The following SPIRE1 variants were observed in gnomAD, a reference collection of about 807,000 sequenced individuals.
SPIRE1 encodes spire type actin nucleation factor 1, also known as protein spire homolog 1.
In SPIRE1, 40 loss-of-function variants were observed where a neutral mutation model predicts 94.1. The ratio of observed to expected loss-of-function variants is 0.43; its 90% CI spans 0.33 to 0.55. The LOEUF (loss-of-function observed/expected upper bound fraction) is 0.55, where lower values mean the gene tolerates loss of function less well. Ranked by LOEUF, SPIRE1 falls within the 20% of genes least tolerant of loss-of-function variation. SPIRE1 has a pLI of 0.06. For missense variants in SPIRE1, 838 were observed against 975.2 expected (o/e 0.86, Z 1.87); for synonymous variants, 376 against 371.7 (o/e 1.01, Z -0.13).
rs1375448393 is a variant in SPIRE1 at position 12,657,763 on chromosome 18, C to T, written c.104G>A (p.Gly35Asp). The change falls in exon 1 of 17, where the codon GGC (glycine) becomes GAC (aspartate). Residue 35 changes from glycine (G) to aspartate (D), a missense_variant. Gly to Asp is a moderately conservative substitution (Grantham distance 94). Transcript: ENST00000409402. ...CTCCAGGCTCAGCGCGTCCCGGGAG[C>T]CCCCGGCCGCGCCGCCGGCTGCCCC... Reference protein sequence around the residue: ...EPGAAGGAAGGSRDALSLEEI... With the variant: ...EPGAAGGAAGDSRDALSLEEI... 3.0e-6 allele frequency: 4 copies of T among 1,338,456 alleles called. No individual in the cohort carries two copies. The East Asian group carries it at 1.0e-4, about 34-fold the overall frequency. 82.9% of individuals were successfully genotyped at this position (1,338,456 alleles called of 1,614,324 possible).
intron 1 of SPIRE1, among the ~76,000 whole-genome samples, chr18:12,636,630 G>C (rs1236117131): frequency 6.6e-6 from 1 of 151,896 alleles, no homozygotes; most frequent in Non-Finnish European, 1.5e-5. Context: ...GGGGCCTTAG[G>C]TTCTATGAAT....
chr18:12,637,276 G>A lies in SPIRE1; in HGVS notation c.338-2180C>T, dbSNP rs769499870. Among the ~76,000 whole-genome samples the A allele has an allele frequency of 1.5e-3, 226 of 151,146 alleles. 2 individuals carry two copies. Among genetic ancestry groups the A allele is most frequent in the Non-Finnish European group, 2.4e-3 (161 of 67,834 alleles). ...CGGGAGGCTGAGGCAGGAGAATGGC[G>A]TGAACCCGGGAGGCAGAGCTTGCAG... On this transcript the variant is annotated intron_variant, in intron 1 of 16. Transcript: ENST00000409402.
chr18:12,446,561 T>C lies in SPIRE1; in HGVS notation c.*3077A>G, dbSNP rs993045347. The stretch of plus-strand genomic sequence containing the variant: ...TCTCTAAATTTTAAAATAGAAGACT[T>C]TAATGGAAAACATTTAGTACCATCA... On this transcript the variant is annotated 3_prime_UTR_variant, in exon 17 of 17. Coordinates refer to ENST00000409402, the MANE Select transcript of SPIRE1 (RefSeq NM_001128626.2). The C allele has an allele frequency of 5.3e-5, 8 of 152,158 alleles. No individual in the cohort carries two copies. The highest frequency in any genetic ancestry group is 1.0e-4 in the Non-Finnish European group (7 of 68,028). 9.4% of individuals were successfully genotyped at this position (152,158 alleles called of 1,614,324 possible). A position where few individuals can be genotyped will look rare whatever the true frequency, so the allele number is the denominator to read the frequency against.
chr18:12,461,542 T>TGTGC, intron 12 of SPIRE1, among the ~76,000 whole-genome samples: 1 of 149,494 alleles, frequency 6.7e-6, no homozygotes, highest in African/African-American at 2.5e-5. Flanking sequence ...TACGTACATA[T>TGTGC]GTATATACAT....
At chr18:12,533,775 T>G (rs1029881625) in intron 4 of SPIRE1, among the ~76,000 whole-genome samples, 3 of 152,154 alleles carry the variant, frequency 2.0e-5, no homozygotes, top group African/African-American at 7.2e-5. Flanking sequence ...GCAATCTCAG[T>G]TTTAACAAGC....
Position 12,447,136 on chromosome 18 carries a change from T to C in SPIRE1, c.*2502A>G, listed in dbSNP as rs1281876174. On this transcript the variant is annotated 3_prime_UTR_variant, in exon 17 of 17. Coordinates refer to ENST00000409402, the MANE Select transcript of SPIRE1 (RefSeq NM_001128626.2). ...CCCAATAGTGTGACTTCATGACGTA[T>C]GGGACAAAAGGAACCGGTGCTCAGG... 2 of 152,118 alleles carry C rather than the reference T, an allele frequency of 1.3e-5. No homozygotes were observed. Among genetic ancestry groups the C allele is most frequent in the African/African-American group, 4.8e-5 (2 of 41,412 alleles). The allele number at this position is 152,118 out of a possible 1,614,324, so 9.4% of individuals were successfully genotyped here. A position where few individuals can be genotyped will look rare whatever the true frequency, so the allele number is the denominator to read the frequency against.
intron 8 of SPIRE1, among the ~76,000 whole-genome samples, chr18:12,489,893 G>A (rs936702321): frequency 1.6e-4 from 25 of 152,254 alleles, no homozygotes; most frequent in Middle Eastern, 3.4e-3. Context: ...TAAACATTCA[G>A]GCATTTTTGC....
rs371935900 is a variant in SPIRE1 at position 12,505,488 on chromosome 18, G to A, written c.972+989C>T. ...GATCACTGGAACCTGGGAAGTCGAG[G>A]CTACAGTAGAGCTGTGATCATGCCA... On this transcript the variant is annotated intron_variant, in intron 6 of 16. Coordinates refer to ENST00000409402, the MANE Select transcript of SPIRE1 (RefSeq NM_001128626.2). Among the ~76,000 whole-genome samples the A allele has an allele frequency of 4.5e-4, 68 of 151,480 alleles. 2 individuals carry two copies. The South Asian group carries it at 0.014, about 32-fold the overall frequency.
At chr18:12,541,921 T>C (rs1382836928) in intron 3 of SPIRE1, among the ~76,000 whole-genome samples, 1 of 151,398 alleles carries the variant, frequency 6.6e-6, no homozygotes, top group African/African-American at 2.4e-5. Context: ...CCCAATACAA[T>C]AATATATATT....
At chr18:12,600,562 T>C (rs1487930474) in intron 2 of SPIRE1, among the ~76,000 whole-genome samples, 2 of 151,896 alleles carry the variant, frequency 1.3e-5, no homozygotes, top group East Asian at 1.9e-4. Context: ...ACTATGATGG[T>C]TGAAAAAGAA....
At chr18:12,483,817 T>C (rs1017354664) in intron 9 of SPIRE1, among the ~76,000 whole-genome samples, 1 of 152,190 alleles carries the variant, frequency 6.6e-6, no homozygotes, top group African/African-American at 2.4e-5. Flanking sequence ...GTTAGAAGAA[T>C]GAATCAATCT....
At chr18:12,624,436 G>A (rs1436577649) in intron 2 of SPIRE1, among the ~76,000 whole-genome samples, 4 of 151,214 alleles carry the variant, frequency 2.6e-5, no homozygotes, top group East Asian at 2.0e-4. Flanking sequence ...CCAGCTACTC[G>A]GGAGGCTGAG....
chr18:12,460,172 G>C (rs969610589), intron 12 of SPIRE1, among the ~76,000 whole-genome samples: 5 of 152,172 alleles, frequency 3.3e-5, no homozygotes, highest in African/African-American at 7.2e-5. Context: ...TCTAATTTAG[G>C]GTCCTGCAAA....
chr18:12,454,819 A>C (rs2031430346), intron 12 of SPIRE1, among the ~76,000 whole-genome samples: 1 of 152,250 alleles, frequency 6.6e-6, no homozygotes, highest in African/African-American at 2.4e-5. Flanking sequence ...AAATCTTGAA[A>C]AAAATTTTAT....
chr18:12,659,528 A>C (rs1014110026), upstream of SPIRE1, among the ~76,000 whole-genome samples: 3 of 151,942 alleles, frequency 2.0e-5, no homozygotes, highest in African/African-American at 7.3e-5. Context: ...AAATTAGCCG[A>C]GTGTGGTGAC....
At chr18:12,648,275 T>C (rs2038280045) in intron 1 of SPIRE1, among the ~76,000 whole-genome samples, 1 of 152,132 alleles carries the variant, frequency 6.6e-6, no homozygotes, top group Non-Finnish European at 1.5e-5. Flanking sequence ...AGTAACTTTT[T>C]AGTGGAGAAA....
chr18:12,484,788 T>C (rs747970683), intron 9 of SPIRE1, among the ~76,000 whole-genome samples: 1 of 152,194 alleles, frequency 6.6e-6, no homozygotes, highest in Non-Finnish European at 1.5e-5. Context: ...CTGGGTGAGG[T>C]GGCTTACGCC....
At chr18:12,520,350 A>G (rs963347187) in intron 4 of SPIRE1, among the ~76,000 whole-genome samples, 4 of 152,188 alleles carry the variant, frequency 2.6e-5, no homozygotes, top group African/African-American at 4.8e-5. Context: ...GTTTTGAACC[A>G]CGTGAAATTT....
In SPIRE1 at chr18:12,454,507, A is replaced by G. The variant is rs376630043; in HGVS notation, c.1639-24T>C. 1.9e-5 allele frequency: 30 copies of G among 1,612,984 alleles called. No homozygotes were observed. The East Asian group carries it at 2.0e-4, about 11-fold the overall frequency. ...TCCTGAAATTCAAAATGTCACGTGA[A>G]TAAGAGATTCCTACCCCCTGTTCTG... On this transcript the variant is annotated intron_variant, in intron 12 of 16. Coordinates refer to ENST00000409402, the MANE Select transcript of SPIRE1 (RefSeq NM_001128626.2).
Sources: allele counts gnomAD v4.1 joint callset (sites outside exome capture counted in the v4.1 genomes callset), GRCh38; gene constraint gnomAD v4.1.1; transcripts MANE v1.5; gene names NCBI Gene and HGNC (gene_info 2026-07-23, HGNC 2026-07-21).